The following PLCL1 variants were observed in gnomAD, a reference collection of about 807,000 sequenced individuals.
PLCL1 encodes phospholipase C like 1 (inactive), also known as inactive phospholipase C-like protein 1.
PLCL1 carries 41 observed loss-of-function variants against 84.4 expected under a neutral mutation model. The ratio of observed to expected loss-of-function variants is 0.49; its 90% confidence interval spans 0.38 to 0.63. The LOEUF is 0.63. Ranked by LOEUF, PLCL1 falls within the 30% of genes least tolerant of loss-of-function variation. The pLI is 0.00. For missense variants in PLCL1, 1,206 were observed against 1,367.8 expected (o/e 0.88, Z 1.87); for synonymous variants, 490 against 488.3 (o/e 1.00, Z -0.05).
In PLCL1 at chr2:197,901,087, A is replaced by G. The variant is rs116128744; in HGVS notation, c.240+95748A>G. Among the ~76,000 whole-genome samples, 900 of 152,314 alleles carry G rather than the reference A, an allele frequency of 5.9e-3. 10 individuals carry two copies. Among genetic ancestry groups the G allele is most frequent in the African/African-American group, 0.021 (863 of 41,564 alleles). On this transcript the variant is annotated intron_variant, in intron 1 of 5. Transcript: ENST00000428675. ...GGATCGAATTTGTGACTAGCTGATAATTTACTCAATAATAAAGATATGTGT... is the reference window on the plus strand; with the variant it reads ...GGATCGAATTTGTGACTAGCTGATAGTTTACTCAATAATAAAGATATGTGT...
At chr2:197,853,827 T>C (rs1290030118) in intron 1 of PLCL1, among the ~76,000 whole-genome samples, 1 of 152,174 alleles carries the variant, frequency 6.6e-6, no homozygotes, top group Admixed American at 6.5e-5. Context: ...TGAATAGGGA[T>C]TATCTCTTCA....
At chr2:198,067,580 G>T (rs986717125) in intron 1 of PLCL1, among the ~76,000 whole-genome samples, 1 of 150,402 alleles carries the variant, frequency 6.6e-6, no homozygotes, top group Non-Finnish European at 1.5e-5. Flanking sequence ...GTAGTGAAGG[G>T]TGAGAAAATA....
At chr2:198,056,144 A>G (rs1692065897) in intron 1 of PLCL1, among the ~76,000 whole-genome samples, 1 of 152,234 alleles carries the variant, frequency 6.6e-6, no homozygotes, top group African/African-American at 2.4e-5. Flanking sequence ...ATTATAGACA[A>G]CAACCATTTC....
At chr2:197,834,357 G>C (rs555697285) in intron 1 of PLCL1, among the ~76,000 whole-genome samples, 43 of 152,240 alleles carry the variant, frequency 2.8e-4, no homozygotes, top group African/African-American at 9.4e-4. Context: ...TCATCAGAGT[G>C]AACAGGCAAC....
intron 1 of PLCL1, among the ~76,000 whole-genome samples, chr2:197,897,189 CTCCTTCTCCTTCTTCTT>C (rs1559038691): frequency 0.068 from 1,847 of 27,272 alleles, 67 homozygotes; most frequent in East Asian, 0.084. Context: ...TCTTCTTCTT[CTCCTTCTCCTTCTTCTT>C]TCTTCTTCCT....
intron 1 of PLCL1, among the ~76,000 whole-genome samples, chr2:197,842,815 G>C (rs1687037112): frequency 6.6e-6 from 1 of 152,094 alleles, no homozygotes; most frequent in Non-Finnish European, 1.5e-5. Context: ...TGTCTCAACT[G>C]TATTTCTCTC....
At position 198,088,984 on chromosome 2, in the gene PLCL1, A is replaced by G; in HGVS notation, c.2842A>G (p.Lys948Glu). Reference protein sequence around the residue: ...DNTPSVSLVMKDSFPYLEPLG... With the variant: ...DNTPSVSLVMEDSFPYLEPLG... ...TACTCCTTCAGTCTCACTTGTGATG[A>G]AAGACAGCTTTCCTTACCTGGAGCC... Residue 948 changes from lysine (K) to glutamate (E), a missense_variant, in exon 3 of 6, where the codon AAA becomes GAA. By Grantham distance (56) the Lys-to-Glu change is moderately conservative (BLOSUM62 1). Coordinates refer to ENST00000428675, the MANE Select transcript of PLCL1 (RefSeq NM_006226.4). 1 of 1,613,952 alleles carries G rather than the reference A, an allele frequency of 6.2e-7. No homozygotes were observed. The highest frequency in any genetic ancestry group is 1.7e-5 in the Admixed American group (1 of 60,018).
intron 1 of PLCL1, among the ~76,000 whole-genome samples, chr2:197,982,350 T>C (rs1417990984): frequency 1.3e-5 from 2 of 152,176 alleles, no homozygotes; most frequent in Non-Finnish European, 2.9e-5. Context: ...CCAAACACTT[T>C]CCAAATGTTA....
chr2:198,040,327 G>A lies in PLCL1; in HGVS notation c.241-43431G>A, dbSNP rs75877017. On this transcript the variant is annotated intron_variant, in intron 1 of 5. Transcript: ENST00000428675. ...GACAGAGGTCTCACAGGGGTTATTT[G>A]CAGGTTTTGCTTTTTTTGAGGTTGC... 3.3e-3 allele frequency among the ~76,000 whole-genome samples: 504 copies of A among 152,244 alleles called. 2 individuals are homozygous for A. The highest frequency in any genetic ancestry group is 0.011 in the African/African-American group (467 of 41,546).
At position 198,060,413 on chromosome 2, in the gene PLCL1, G is replaced by T. The variant is rs73979015; in HGVS notation, c.241-23345G>T. The stretch of plus-strand genomic sequence containing the variant: ...ATTTAGCAAAGACATATAAACTCCT[G>T]GGTGTGGAGAGTGCTGAATGTTGTA... On this transcript the variant is annotated intron_variant, in intron 1 of 5. Coordinates refer to ENST00000428675, the MANE Select transcript of PLCL1 (RefSeq NM_006226.4). Among the ~76,000 whole-genome samples the T allele has an allele frequency of 8.3e-3, 1,260 of 152,272 alleles. 17 individuals carry two copies. The highest frequency in any genetic ancestry group is 0.027 in the African/African-American group (1,133 of 41,548).
intron 1 of PLCL1, among the ~76,000 whole-genome samples, chr2:197,899,391 T>C (rs1688218476): frequency 6.6e-6 from 1 of 152,094 alleles, no homozygotes; most frequent in Non-Finnish European, 1.5e-5. Context: ...TGTCACTGTC[T>C]GAATACCTAC....
intron 1 of PLCL1, among the ~76,000 whole-genome samples, chr2:198,041,763 T>G (rs759726443): frequency 6.6e-6 from 1 of 152,190 alleles, no homozygotes; most frequent in Non-Finnish European, 1.5e-5. Flanking sequence ...GATACGAACA[T>G]AGCCATGAAA....
At chr2:197,860,049 C>T (rs1219230357) in intron 1 of PLCL1, among the ~76,000 whole-genome samples, 1 of 152,062 alleles carries the variant, frequency 6.6e-6, no homozygotes, top group African/African-American at 2.4e-5. Flanking sequence ...CAGGTAGGCC[C>T]CAGTATCTGT....
intron 1 of PLCL1, among the ~76,000 whole-genome samples, chr2:197,903,737 T>C (rs1330108596): frequency 6.9e-6 from 1 of 143,900 alleles, no homozygotes; most frequent in Non-Finnish European, 1.5e-5. Context: ...TCTCCTGACC[T>C]CGTGATCTGC....
intron 1 of PLCL1, among the ~76,000 whole-genome samples, chr2:197,935,638 G>T (rs1689036619): frequency 6.6e-6 from 1 of 152,210 alleles, no homozygotes; most frequent in African/African-American, 2.4e-5. Flanking sequence ...GAAGGGAGAG[G>T]ATCGAAAAAC....
At chr2:198,138,283 C>T (rs1480629452) in intron 5 of PLCL1, among the ~76,000 whole-genome samples, 2 of 152,154 alleles carry the variant, frequency 1.3e-5, no homozygotes, top group Admixed American at 6.5e-5. Context: ...GAAGCAAGCA[C>T]ATCTTCACAT....
At chr2:198,049,715 T>A (rs990152774) in intron 1 of PLCL1, among the ~76,000 whole-genome samples, 2 of 152,162 alleles carry the variant, frequency 1.3e-5, no homozygotes, top group African/African-American at 4.8e-5. Flanking sequence ...TTCATGTCTC[T>A]TGAGTGAAAC....
At chr2:198,003,838 T>A (rs1174198023) in intron 1 of PLCL1, among the ~76,000 whole-genome samples, 8 of 152,216 alleles carry the variant, frequency 5.3e-5, no homozygotes, top group Non-Finnish European at 1.2e-4. Context: ...AGTGTTGTGG[T>A]TGAAAAAGGT....
chr2:197,963,492 G>C (rs929861451), intron 1 of PLCL1, among the ~76,000 whole-genome samples: 8 of 152,058 alleles, frequency 5.3e-5, no homozygotes, highest in African/African-American at 1.7e-4. Flanking sequence ...TTAATCCCTT[G>C]TTAGATGGAC....
Sources: allele counts gnomAD v4.1 joint callset (sites outside exome capture counted in the v4.1 genomes callset), GRCh38; gene constraint gnomAD v4.1.1; transcripts MANE v1.5; gene names NCBI Gene and HGNC (gene_info 2026-07-23, HGNC 2026-07-21).